Variants in KANSL1 observed in about 807,000 individuals in gnomAD.
KANSL1 encodes the protein MLL1/MLL complex subunit KANSL1.
KANSL1 carries 22 observed loss-of-function variants against 103.6 expected under a neutral mutation model. The ratio of observed to expected loss-of-function variants is 0.21; its 90% confidence interval spans 0.15 to 0.30. KANSL1 has a LOEUF of 0.30. Ranked by LOEUF, KANSL1 falls within the 10% of genes least tolerant of loss-of-function variation. The pLI is 1.00. For synonymous variants in KANSL1, 600 were observed against 527.6 expected (o/e 1.14, Z -1.88); for missense variants, 1,337 against 1,399.8 (o/e 0.96, Z 0.72).
intron 1 of KANSL1, among the ~76,000 whole-genome samples, chr17:46,176,135 CCTA>C (rs557072944): frequency 1.4e-3 from 210 of 152,264 alleles, no homozygotes; most frequent in African/African-American, 4.7e-3. Context: ...GTAATTGTAC[CCTA>C]CTGCCTGACA....
intron 4 of KANSL1, among the ~76,000 whole-genome samples, chr17:46,076,641 G>C (rs1344869449): frequency 6.6e-6 from 1 of 151,460 alleles, no homozygotes; most frequent in Non-Finnish European, 1.5e-5. Flanking sequence ...GGTTTGCATT[G>C]AATCATTGTG....
intron 2 of KANSL1, among the ~76,000 whole-genome samples, chr17:46,134,060 G>A (rs564983349): frequency 1.3e-4 from 20 of 152,322 alleles, no homozygotes; most frequent in African/African-American, 4.3e-4. Flanking sequence ...GGGTACAGTG[G>A]AATAAGCTGG....
intron 2 of KANSL1, among the ~76,000 whole-genome samples, chr17:46,128,882 G>T (rs1567707656): frequency 6.6e-6 from 1 of 152,200 alleles, no homozygotes; most frequent in Non-Finnish European, 1.5e-5. Context: ...GAGGGACACG[G>T]ATGTGTTATC....
chr17:46,205,446 C>A (rs2047933743), intron 1 of KANSL1, among the ~76,000 whole-genome samples: 1 of 151,826 alleles, frequency 6.6e-6, no homozygotes, highest in African/African-American at 2.4e-5. Context: ...CTTTGGGAGG[C>A]CGAGGCAGGC....
chr17:46,096,807 C>T (rs1450746092), intron 2 of KANSL1, among the ~76,000 whole-genome samples: 3 of 151,830 alleles, frequency 2.0e-5, no homozygotes, highest in Admixed American at 2.0e-4. Context: ...TTAGTAGAGA[C>T]GGGGTTTCAC....
chr17:46,073,822 C>T (rs1481602541), intron 4 of KANSL1, among the ~76,000 whole-genome samples: 13 of 152,100 alleles, frequency 8.5e-5, no homozygotes, highest in Non-Finnish European at 1.5e-4. Flanking sequence ...AAATATTGTA[C>T]TCTAGTTAGC....
chr17:46,087,635 C>T (rs1366056922), intron 3 of KANSL1, among the ~76,000 whole-genome samples: 1 of 152,064 alleles, frequency 6.6e-6, no homozygotes, highest in African/African-American at 2.4e-5. Context: ...CAGAAAAGAG[C>T]CTAACTGAAG....
intron 2 of KANSL1, among the ~76,000 whole-genome samples, chr17:46,099,756 A>G (rs1467792632): frequency 2.0e-5 from 3 of 152,232 alleles, no homozygotes; most frequent in African/African-American, 7.2e-5. Flanking sequence ...AGTCCATACA[A>G]AAACATGTAC....
chr17:46,171,878 G>A lies in KANSL1; in HGVS notation c.266C>T (p.Ser89Phe), dbSNP rs1057520835. The change falls in exon 2 of 15, where the codon TCT becomes TTT. Residue 89 changes from serine to phenylalanine, a missense_variant. Coordinates refer to ENST00000432791, the MANE Select transcript of KANSL1 (RefSeq NM_015443.4). ...VASYLCSDVT[S>F]VPSKESLKLQ... ...CTTCAAAGACTCCTTTGAGGGAACA[G>A]ATGTTACATCAGAGCAGAGATAAGA... The A allele has an allele frequency of 6.2e-7, 1 of 1,614,266 alleles. No homozygotes were observed. The highest frequency in any genetic ancestry group is 8.5e-7 in the Non-Finnish European group (1 of 1,180,050).
chr17:46,088,714 T>A (rs77459448), intron 3 of KANSL1: 21,462 of 151,528 alleles, frequency 0.14, 2,096 homozygotes, highest in Non-Finnish European at 0.21. Flanking sequence ...TCCTTTAAAA[T>A]AAAAAAAACC....
intron 2 of KANSL1, chr17:46,148,084 A>G (rs1187091326): frequency 6.6e-6 from 1 of 152,252 alleles, no homozygotes; most frequent in African/African-American, 2.4e-5. Flanking sequence ...TGGTTTATAA[A>G]AAGTAATTAG....
intron 3 of KANSL1, among the ~76,000 whole-genome samples, chr17:46,089,883 A>G (rs1277738595): frequency 6.6e-6 from 1 of 152,230 alleles, no homozygotes; most frequent in Non-Finnish European, 1.5e-5. Context: ...TCTATTAATT[A>G]TAGTGTTACA....
chr17:46,187,936 A>T (rs1391685358), intron 1 of KANSL1, among the ~76,000 whole-genome samples: 3 of 152,172 alleles, frequency 2.0e-5, no homozygotes, highest in Non-Finnish European at 2.9e-5. Flanking sequence ...CTTTACCTTT[A>T]TTCTACCAAA....
At chr17:46,104,309 C>T (rs2042440241) in intron 2 of KANSL1, among the ~76,000 whole-genome samples, 1 of 152,186 alleles carries the variant, frequency 6.6e-6, no homozygotes, top group African/African-American at 2.4e-5. Flanking sequence ...ATGCAAATTT[C>T]CAACCAGAAA....
chr17:46,031,322 C>G lies in KANSL1; in HGVS notation c.*154G>C. On this transcript the variant is annotated 3_prime_UTR_variant, in exon 15 of 15. Coordinates refer to ENST00000432791, the MANE Select transcript of KANSL1 (RefSeq NM_015443.4). ...AACAAAAACAAAACAAAAATTAAAA[C>G]AAGAAAAAAAAATACCAAAGTAGGA... 1 of 763,148 alleles carries G rather than the reference C, an allele frequency of 1.3e-6. No individual in the cohort carries two copies. Among genetic ancestry groups the G allele is most frequent in the Admixed American group, 2.9e-5 (1 of 34,008 alleles). The allele number at this position is 763,148 out of a possible 1,614,324, so 47.3% of individuals were successfully genotyped here. A position where few individuals can be genotyped will look rare whatever the true frequency, so the allele number is the denominator to read the frequency against.
intron 7 of KANSL1, chr17:46,045,889 T>G (rs573154914): frequency 1.3e-5 from 2 of 152,380 alleles, no homozygotes; most frequent in African/African-American, 4.8e-5. Flanking sequence ...AAATGACTGT[T>G]CTGTTTAGCA....
intron 2 of KANSL1, among the ~76,000 whole-genome samples, chr17:46,163,169 C>T (rs1228282991): frequency 2.0e-5 from 3 of 152,224 alleles, no homozygotes; most frequent in Non-Finnish European, 4.4e-5. Flanking sequence ...AATCTATATT[C>T]CCCATGAGGG....
chr17:46,034,734 G>C, intron 10 of KANSL1: 1 of 182,488 alleles, frequency 5.5e-6, no homozygotes, highest in Non-Finnish European at 1.1e-5. Flanking sequence ...GAGGCCCAAA[G>C]GATAGGCCCA....
intron 2 of KANSL1, among the ~76,000 whole-genome samples, chr17:46,127,574 G>A (rs62063173): frequency 0.012 from 1,782 of 152,298 alleles, 19 homozygotes; most frequent in Non-Finnish European, 0.018. Flanking sequence ...AAGAGTCTGA[G>A]ACCAGCCTGG....
Sources: allele counts gnomAD v4.1 joint callset (sites outside exome capture counted in the v4.1 genomes callset), GRCh38; gene constraint gnomAD v4.1.1; transcripts MANE v1.5; gene names NCBI Gene and HGNC (gene_info 2026-07-23, HGNC 2026-07-21).